IGSF11: variants seen among roughly 807,000 people sequenced by gnomAD.
IGSF11 encodes immunoglobulin superfamily member 11, also known as CXADR like 1.
Under a neutral mutation model 41.0 loss-of-function variants are expected in IGSF11, and 22 were observed. The ratio of observed to expected loss-of-function variants is 0.54; its 90% CI spans 0.38 to 0.77. IGSF11 has a LOEUF of 0.77. Ranked by LOEUF, IGSF11 falls within the 30% of genes least tolerant of loss-of-function variation. IGSF11 has a pLI of 0.00. For missense variants in IGSF11, 444 were observed against 530.8 expected (o/e 0.84, Z 1.61); for synonymous variants, 219 against 201.3 (o/e 1.09, Z -0.74).
intron 1 of IGSF11, among the ~76,000 whole-genome samples, chr3:118,973,135 A>G (rs1056854689): frequency 6.6e-6 from 1 of 152,116 alleles, no homozygotes; most frequent in Non-Finnish European, 1.5e-5. Flanking sequence ...TCATCCAGGG[A>G]TATGCCCCGC....
intron 1 of IGSF11, among the ~76,000 whole-genome samples, chr3:119,112,073 C>T (rs1559874718): frequency 6.6e-6 from 1 of 152,174 alleles, no homozygotes; most frequent in Non-Finnish European, 1.5e-5. Flanking sequence ...GCAGTCTGCC[C>T]ATTCTCAGAT....
intron 1 of IGSF11, among the ~76,000 whole-genome samples, chr3:118,952,058 A>C (rs1944610930): frequency 6.6e-6 from 1 of 152,172 alleles, no homozygotes; most frequent in South Asian, 2.1e-4. Context: ...TTGGTTTCCC[A>C]GTGCATATAA....
chr3:118,939,685 T>G (rs1054274606), intron 1 of IGSF11, among the ~76,000 whole-genome samples: 2 of 152,050 alleles, frequency 1.3e-5, no homozygotes, highest in Non-Finnish European at 2.9e-5. Flanking sequence ...TTATCAAAAT[T>G]TATGGGGAAG....
chr3:118,945,947 T>C (rs1457728647), intron 1 of IGSF11: 1 of 152,078 alleles, frequency 6.6e-6, no homozygotes, highest in Admixed American at 6.6e-5. Context: ...TTTTTAAATA[T>C]AGCATCAAAC....
At chr3:119,117,971 T>A (rs779521137) in intron 1 of IGSF11, among the ~76,000 whole-genome samples, 4 of 152,208 alleles carry the variant, frequency 2.6e-5, no homozygotes, top group Non-Finnish European at 4.4e-5. Flanking sequence ...ATGCAAAAGG[T>A]GGGTTCCCAT....
intron 1 of IGSF11, among the ~76,000 whole-genome samples, chr3:119,049,495 A>G (rs1025204885): frequency 3.3e-5 from 5 of 152,174 alleles, no homozygotes; most frequent in Non-Finnish European, 7.3e-5. Flanking sequence ...AAGGAAATAA[A>G]AGAGGATACA....
At chr3:118,921,322 G>A (rs778174788) in intron 4 of IGSF11, among the ~76,000 whole-genome samples, 8 of 152,058 alleles carry the variant, frequency 5.3e-5, no homozygotes, top group Non-Finnish European at 7.4e-5. Flanking sequence ...AACAAACATT[G>A]GCGGGAGGGA....
At chr3:118,909,040 T>C (rs1939951830) in intron 4 of IGSF11, among the ~76,000 whole-genome samples, 1 of 152,228 alleles carries the variant, frequency 6.6e-6, no homozygotes, top group South Asian at 2.1e-4. Context: ...AATGTTTCCA[T>C]GTGGGAATTC....
intron 1 of IGSF11, among the ~76,000 whole-genome samples, chr3:119,022,260 G>A (rs1386536539): frequency 1.3e-5 from 2 of 152,150 alleles, no homozygotes; most frequent in African/African-American, 2.4e-5. Flanking sequence ...TAGATTAGAG[G>A]TTACCAGGGG....
At chr3:118,946,250 G>A (rs1026626418) in intron 1 of IGSF11, among the ~76,000 whole-genome samples, 22 of 146,480 alleles carry the variant, frequency 1.5e-4, no homozygotes, top group Non-Finnish European at 2.4e-4. Flanking sequence ...ATATAAATCC[G>A]GAAAAATGAA....
At position 119,029,274 on chromosome 3, in the gene IGSF11, A is replaced by C. The variant is rs140515077; in HGVS notation, c.52+5257T>G. On this transcript the variant is annotated intron_variant, in intron 1 of 6. Transcript: ENST00000393775. The stretch of plus-strand genomic sequence containing the variant: ...CACACACACACACACACACACACAC[A>C]CCCGAGAGAGAGAGAGAATGCGAGA... Among the ~76,000 whole-genome samples, 1,305 of 143,804 alleles carry C rather than the reference A, an allele frequency of 9.1e-3. 4 individuals carry two copies. The highest frequency in any genetic ancestry group is 0.011 in the Middle Eastern group (3 of 282). 94.3% of individuals were successfully genotyped at this position (143,804 alleles called of 152,430 possible).
At chr3:119,020,795 G>A (rs542644420) in intron 1 of IGSF11, among the ~76,000 whole-genome samples, 1 of 152,238 alleles carries the variant, frequency 6.6e-6, no homozygotes, top group South Asian at 2.1e-4. Flanking sequence ...TTTTAACTAT[G>A]ATATATCTAT....
intron 1 of IGSF11, among the ~76,000 whole-genome samples, chr3:119,137,952 A>C (rs4687970): frequency 0.24 from 35,522 of 148,656 alleles, 5,078 homozygotes; most frequent in Middle Eastern, 0.38. Context: ...CTGGCATATG[A>C]AAAAGTGCAC....
Position 119,118,545 on chromosome 3 carries a change from C to A in IGSF11, c.-13-13340G>T, listed in dbSNP as rs148185974. Among the ~76,000 whole-genome samples the A allele has an allele frequency of 9.6e-3, 1,464 of 152,342 alleles. 19 individuals are homozygous for A. Among genetic ancestry groups the A allele is most frequent in the African/African-American group, 0.033 (1,367 of 41,578 alleles). On this transcript the variant is annotated intron_variant, in intron 1 of 7. Coordinates refer to the IGSF11 transcript ENST00000425327. ...TTTTTCCTCCTAGGCCTCCAGGCCT[C>A]TGATGGGAGGGGCTGCCACAAAGGT...
intron 4 of IGSF11, among the ~76,000 whole-genome samples, chr3:118,913,990 A>C (rs984232479): frequency 1.3e-5 from 2 of 152,202 alleles, no homozygotes; most frequent in Admixed American, 1.3e-4. Flanking sequence ...CGAAATATTC[A>C]CAAGGATTAG....
chr3:118,989,639 C>T (rs2107649803), intron 1 of IGSF11, among the ~76,000 whole-genome samples: 1 of 152,308 alleles, frequency 6.6e-6, no homozygotes, highest in East Asian at 1.9e-4. Context: ...CAGGCATGAG[C>T]CACCACACCC....
At chr3:119,091,067 AAAG>A (rs2076753627) in intron 1 of IGSF11, among the ~76,000 whole-genome samples, 1 of 152,234 alleles carries the variant, frequency 6.6e-6, no homozygotes, top group South Asian at 2.1e-4. Context: ...ACACTTCTCA[AAAG>A]AAGACAAACA....
chr3:119,144,714 T>C (rs1160527537), intron 1 of IGSF11, among the ~76,000 whole-genome samples: 4 of 152,136 alleles, frequency 2.6e-5, no homozygotes, highest in Non-Finnish European at 5.9e-5. Flanking sequence ...AATTGATAAA[T>C]CATCATTTTG....
At chr3:119,111,663 C>G (rs898729627) in intron 1 of IGSF11, among the ~76,000 whole-genome samples, 4 of 151,994 alleles carry the variant, frequency 2.6e-5, no homozygotes, top group Middle Eastern at 3.4e-3. Context: ...GGAGGAGAGG[C>G]GCTCTGCTTT....
Sources: allele counts gnomAD v4.1 joint callset (sites outside exome capture counted in the v4.1 genomes callset), GRCh38; gene constraint gnomAD v4.1.1; transcripts MANE v1.5; gene names NCBI Gene and HGNC (gene_info 2026-07-23, HGNC 2026-07-21).